Variants in TRPM3 observed in about 807,000 individuals in gnomAD.
The protein encoded by TRPM3 is long transient receptor potential channel 3.
TRPM3 carries 77 observed loss-of-function variants against 181.2 expected under a neutral mutation model. The ratio of observed to expected loss-of-function variants is 0.42; its 90% CI spans 0.35 to 0.51. The LOEUF is 0.51. TRPM3 is among the 20% of genes least tolerant of loss of function. TRPM3 has a pLI of 0.01. For missense variants in TRPM3, 1,759 were observed against 2,196.7 expected (o/e 0.80, Z 3.98); for synonymous variants, 745 against 796.4 (o/e 0.94, Z 1.09).
intron 1 of TRPM3, among the ~76,000 whole-genome samples, chr9:71,251,241 G>T (rs578207670): frequency 1.4e-3 from 213 of 152,188 alleles, no homozygotes; most frequent in African/African-American, 4.9e-3. Context: ...CTTGTGCTCA[G>T]GAAATCAGAA....
Position 71,405,538 on chromosome 9 carries a change from C to T in TRPM3, c.183+41115G>A, listed in dbSNP as rs142185841. On this transcript the variant is annotated intron_variant, in intron 1 of 24. Coordinates refer to the TRPM3 transcript ENST00000357533. ...TTCCTTTTCTTCAATATTATACAAA[C>T]AGATGTGTCTCTTCCTTTAGGAATG... 5.9e-3 allele frequency among the ~76,000 whole-genome samples: 894 copies of T among 152,218 alleles called. 12 individuals are homozygous for T. The highest frequency in any genetic ancestry group is 0.021 in the African/African-American group (858 of 41,550).
At chr9:71,394,686 TC>T (rs1386599514) in intron 1 of TRPM3, among the ~76,000 whole-genome samples, 1 of 152,230 alleles carries the variant, frequency 6.6e-6, no homozygotes, top group Non-Finnish European at 1.5e-5. Context: ...TGTCACACAA[TC>T]TTTTCTCAGA....
chr9:71,164,396 A>G (rs1450345949), intron 1 of TRPM3, among the ~76,000 whole-genome samples: 1 of 152,160 alleles, frequency 6.6e-6, no homozygotes, highest in Non-Finnish European at 1.5e-5. Flanking sequence ...TTTACCCCAG[A>G]TAGTCACTGT....
At chr9:70,560,400 G>A (rs1270315956) in intron 22 of TRPM3, among the ~76,000 whole-genome samples, 1 of 152,230 alleles carries the variant, frequency 6.6e-6, no homozygotes, top group Non-Finnish European at 1.5e-5. Context: ...CCTTGCCAAT[G>A]TAATATTAGT....
intron 1 of TRPM3, among the ~76,000 whole-genome samples, chr9:71,220,319 A>G (rs2080156390): frequency 6.6e-6 from 1 of 151,576 alleles, no homozygotes; most frequent in Non-Finnish European, 1.5e-5. Context: ...TGAATTTAGT[A>G]TTAATAAATA....
At chr9:70,756,406 C>A (rs1441527924) in intron 8 of TRPM3, among the ~76,000 whole-genome samples, 2 of 151,994 alleles carry the variant, frequency 1.3e-5, no homozygotes, top group African/African-American at 4.8e-5. Flanking sequence ...GATTTTAACA[C>A]CCCCATTGTC....
chr9:71,408,756 C>A (rs960827788), intron 1 of TRPM3, among the ~76,000 whole-genome samples: 7 of 152,024 alleles, frequency 4.6e-5, no homozygotes, highest in African/African-American at 1.7e-4. Flanking sequence ...ACAGAGAATG[C>A]CACAAAGATA....
At chr9:71,168,646 T>TA (rs199706048) in intron 1 of TRPM3, among the ~76,000 whole-genome samples, 1,518 of 147,844 alleles carry the variant, frequency 0.01, 27 homozygotes, top group East Asian at 0.069. Flanking sequence ...TTTTTATTTT[T>TA]TTTTTTATTA....
intron 1 of TRPM3, among the ~76,000 whole-genome samples, chr9:70,885,423 C>T (rs1413955034): frequency 3.3e-5 from 5 of 152,106 alleles, no homozygotes; most frequent in Non-Finnish European, 7.3e-5. Context: ...GTTCCTAAAC[C>T]TTAGGGAAGA....
intron 1 of TRPM3, among the ~76,000 whole-genome samples, chr9:71,150,046 G>A (rs1448904198): frequency 2.0e-5 from 3 of 151,356 alleles, no homozygotes; most frequent in Non-Finnish European, 4.4e-5. Flanking sequence ...CAAGAAAGAA[G>A]AACAAAATGA....
chr9:71,286,719 T>C (rs2085303124), intron 1 of TRPM3, among the ~76,000 whole-genome samples: 1 of 151,878 alleles, frequency 6.6e-6, no homozygotes, highest in African/African-American at 2.4e-5. Flanking sequence ...TTAAATAACC[T>C]AGCCATTGTC....
At chr9:70,749,329 T>C (rs1052337149) in intron 8 of TRPM3, among the ~76,000 whole-genome samples, 6 of 152,168 alleles carry the variant, frequency 3.9e-5, no homozygotes, top group African/African-American at 1.4e-4. Flanking sequence ...AGGAAGTCCA[T>C]GTTACCATAC....
chr9:71,269,718 T>A (rs2083647936), intron 1 of TRPM3, among the ~76,000 whole-genome samples: 1 of 152,202 alleles, frequency 6.6e-6, no homozygotes, highest in East Asian at 1.9e-4. Flanking sequence ...GGAATGTAAC[T>A]TGGCCCTTGA....
chr9:71,142,239 T>C (rs11142700), intron 1 of TRPM3, among the ~76,000 whole-genome samples: 48,918 of 152,048 alleles, frequency 0.32, 9,205 homozygotes, highest in Middle Eastern at 0.51. Context: ...GGTCAGTCTC[T>C]TGGCAGAGCA....
At chr9:71,185,239 A>G (rs926818328) in intron 1 of TRPM3, among the ~76,000 whole-genome samples, 1 of 152,146 alleles carries the variant, frequency 6.6e-6, no homozygotes, top group Admixed American at 6.6e-5. Flanking sequence ...GAAAAAAATC[A>G]GTTCAGAGCA....
chr9:70,936,381 C>T (rs1324308994), intron 1 of TRPM3, among the ~76,000 whole-genome samples: 1 of 152,138 alleles, frequency 6.6e-6, no homozygotes, highest in Non-Finnish European at 1.5e-5. Context: ...GATTTCCATC[C>T]TCTGCAAAAT....
intron 1 of TRPM3, among the ~76,000 whole-genome samples, chr9:71,297,405 G>C (rs922523203): frequency 6.6e-6 from 1 of 152,152 alleles, no homozygotes; most frequent in Non-Finnish European, 1.5e-5. Context: ...AACTGCCTGA[G>C]ACTGGATAAT....
intron 1 of TRPM3, among the ~76,000 whole-genome samples, chr9:70,983,493 T>A (rs2097386078): frequency 6.6e-6 from 1 of 152,170 alleles, no homozygotes; most frequent in East Asian, 1.9e-4. Context: ...TAGACACCTC[T>A]GTGGAAATAA....
intron 1 of TRPM3, among the ~76,000 whole-genome samples, chr9:71,076,029 C>T (rs1052340769): frequency 2.0e-5 from 3 of 152,038 alleles, no homozygotes; most frequent in Non-Finnish European, 4.4e-5. Context: ...ATTTAAGATA[C>T]AGTTAAGTAC....
Sources: gnomAD v4.1 joint callset for allele counts (sites outside exome capture counted in the v4.1 genomes callset) on GRCh38, gnomAD v4.1.1 for gene constraint, MANE v1.5 for transcripts, NCBI Gene and HGNC (gene_info 2026-07-23, HGNC 2026-07-21) for gene names.